The following GGT1 variants were observed in gnomAD, a reference collection of about 807,000 sequenced individuals.
GGT1 encodes glutathione hydrolase 1 proenzyme.
In GGT1, 21 loss-of-function variants were observed where a neutral mutation model predicts 56.0. The observed-to-expected ratio is 0.38, with a 90% CI of 0.27 to 0.54. The LOEUF is 0.54. Among genes scored for constraint, GGT1 ranks in the 20% least tolerant of loss-of-function variants. The pLI is 0.82. For synonymous variants in GGT1, 238 were observed against 342.6 expected (o/e 0.69, Z 3.37); for missense variants, 466 against 787.0 (o/e 0.59, Z 4.88).
At chr22:24,594,246 A>G (rs4820599), upstream of GGT1, among the ~76,000 whole-genome samples, 64,527 of 151,928 alleles carry the variant, frequency 0.42, 17,008 homozygotes, top group African/African-American at 0.75. Flanking sequence ...CTGCGTGGGG[A>G]ACGTTTGAGG....
the GGT1 span, chr22:24,589,752 G>T: frequency 6.7e-7 from 1 of 1,499,020 alleles, no homozygotes; most frequent in Non-Finnish European, 8.9e-7. Flanking sequence ...CCAGTCCCCA[G>T]CCCTGGGCTC....
At chr22:24,585,829 C>G in the GGT1 span, 1 of 1,462,548 alleles carries the variant, frequency 6.8e-7, no homozygotes, top group Non-Finnish European at 9.1e-7. Context: ...TCATCGCCCA[C>G]TATCATGTGC....
At chr22:24,588,875 T>C in the GGT1 span, 20 of 1,006,834 alleles carry the variant, frequency 2.0e-5, no homozygotes, top group African/African-American at 2.2e-4. Context: ...CCTGGCTCTC[T>C]CTCAGTCCTA....
intron 7 of GGT1, among the ~76,000 whole-genome samples, chr22:24,619,130 G>A (rs894862428): frequency 6.6e-5 from 10 of 152,166 alleles, no homozygotes; most frequent in Admixed American, 3.9e-4. Flanking sequence ...GGGAATGGTG[G>A]CTCACGCCTG....
upstream of GGT1, chr22:24,589,882 A>AGGAAGG (rs2045517380): frequency 6.2e-7 from 1 of 1,613,856 alleles, no homozygotes; most frequent in Admixed American, 1.7e-5. Flanking sequence ...GATGGGGTCG[A>AGGAAGG]CCGGGTTGAG....
At chr22:24,584,483 C>T in the GGT1 span, among the ~76,000 whole-genome samples, 6 of 152,210 alleles carry the variant, frequency 3.9e-5, no homozygotes, top group African/African-American at 1.2e-4. Flanking sequence ...CCTGTCCTCA[C>T]CCTCCTTGGC....
At chr22:24,615,610 C>T (rs1027316274) in intron 7 of GGT1, among the ~76,000 whole-genome samples, 8 of 152,152 alleles carry the variant, frequency 5.3e-5, no homozygotes, top group African/African-American at 9.7e-5. Context: ...CTGTCTATAC[C>T]GTGCCTTTTC....
At chr22:24,588,262 G>T in the GGT1 span, 19 of 1,613,516 alleles carry the variant, frequency 1.2e-5, no homozygotes, top group Non-Finnish European at 1.6e-5. Flanking sequence ...CTGCTGCTTC[G>T]AGTGAGGGGT....
At chr22:24,625,698 C>T (rs544665114) in intron 11 of GGT1, among the ~76,000 whole-genome samples, 54 of 151,350 alleles carry the variant, frequency 3.6e-4, no homozygotes, top group Admixed American at 3.0e-3. Context: ...CCCGCCACAC[C>T]GCCCAGCTAA....
intron 5 of GGT1, among the ~76,000 whole-genome samples, chr22:24,613,191 T>G (rs1675556228): frequency 6.6e-6 from 1 of 152,176 alleles, no homozygotes; most frequent in Admixed American, 6.5e-5. Context: ...TCCTCCCACC[T>G]CAGCCCCCTG....
At chr22:24,601,703 G>A (rs2045784834), upstream of GGT1, among the ~76,000 whole-genome samples, 1 of 152,230 alleles carries the variant, frequency 6.6e-6, no homozygotes, top group Non-Finnish European at 1.5e-5. Context: ...GGCCCCTGAG[G>A]CACTGTGGGC....
chr22:24,621,761 G>A lies in GGT1; in HGVS notation c.733+691G>A, dbSNP rs1027377599. Among the ~76,000 whole-genome samples the A allele has an allele frequency of 7.9e-5, 12 of 152,212 alleles. No homozygotes were observed. The East Asian group carries it at 1.4e-3, about 17-fold the overall frequency. ...GGCAGGAATTCTCCAGTTAGAAAAG[G>A]CCCTCTGAGCCAGGCGCGGTGGCTC... is the stretch of plus-strand genomic sequence containing the variant. On this transcript the variant is annotated intron_variant, in intron 9 of 15. Transcript: ENST00000400382.
upstream of GGT1, among the ~76,000 whole-genome samples, chr22:24,601,644 A>G (rs371534610): frequency 7.9e-4 from 120 of 152,356 alleles, no homozygotes; most frequent in East Asian, 3.5e-3. Flanking sequence ...GTGTGGCTGG[A>G]TGCTGAGCCA....
chr22:24,586,724 T>C, the GGT1 span, among the ~76,000 whole-genome samples: 1 of 151,616 alleles, frequency 6.6e-6, no homozygotes, highest in Non-Finnish European at 1.5e-5. Flanking sequence ...AGAGGCGGGG[T>C]TTCTCCATCT....
intron 1 of GGT1, among the ~76,000 whole-genome samples, chr22:24,606,579 C>T (rs1436425414): frequency 6.6e-6 from 1 of 152,182 alleles, no homozygotes; most frequent in East Asian, 1.9e-4. Flanking sequence ...GGTTCCTGCC[C>T]TGTCATCTTC....
At chr22:24,595,969 C>G (rs74843104) in intron 1 of GGT1, among the ~76,000 whole-genome samples, 1 of 152,328 alleles carries the variant, frequency 6.6e-6, no homozygotes, top group Non-Finnish European at 1.5e-5. Context: ...AAGAAGGACA[C>G]AGAATGGTTT....
intron 9 of GGT1, among the ~76,000 whole-genome samples, chr22:24,622,579 A>AT (rs1003954757): frequency 3.9e-5 from 6 of 152,226 alleles, no homozygotes; most frequent in African/African-American, 1.4e-4. Context: ...ACAAAAAAAA[A>AT]GTAGCAAAAC....
At chr22:24,616,170 T>C (rs1022766326) in intron 7 of GGT1, among the ~76,000 whole-genome samples, 1 of 150,480 alleles carries the variant, frequency 6.6e-6, no homozygotes, top group African/African-American at 2.4e-5. Context: ...ATCCCAGCAC[T>C]TTGGGAGGCT....
chr22:24,605,348 ATT>A (rs1319728929), intron 1 of GGT1, among the ~76,000 whole-genome samples: 2 of 61,234 alleles, frequency 3.3e-5, no homozygotes, highest in African/African-American at 1.6e-4. Flanking sequence ...TGTATTATAT[ATT>A]ATATAATATG....
Sources: allele counts gnomAD v4.1 joint callset (sites outside exome capture counted in the v4.1 genomes callset), GRCh38; gene constraint gnomAD v4.1.1; transcripts MANE v1.5; gene names NCBI Gene and HGNC (gene_info 2026-07-23, HGNC 2026-07-21).